Variants in BCKDHB observed in about 807,000 individuals in gnomAD.
BCKDHB encodes 2-oxoisovalerate dehydrogenase subunit beta, mitochondrial.
A neutral mutation model predicts 48.5 loss-of-function variants in BCKDHB; 41 were observed. The ratio of observed to expected loss-of-function variants is 0.85; its 90% CI spans 0.66 to 1.10. The LOEUF is 1.10. Ranked by LOEUF, BCKDHB falls within the 50% of genes least tolerant of loss-of-function variation. The probability of loss-of-function intolerance (pLI) is 0.00; values close to 1 mark genes in which losing one functional copy is unlikely to be tolerated. For missense variants in BCKDHB, 496 were observed against 494.2 expected, an observed-to-expected ratio of 1.00 and a Z score of -0.03; for synonymous variants, 201 against 174.8, an observed-to-expected ratio of 1.15 and a Z score of -1.18.
At chr6:80,200,063 C>CAAAAAAAAA in intron 6 of BCKDHB, among the ~76,000 whole-genome samples, 2 of 32,770 alleles carry the variant, frequency 6.1e-5, no homozygotes, top group Middle Eastern at 0.014. Flanking sequence ...GACCCTGTCT[C>CAAAAAAAAA]AAAAAAAAAA....
chr6:80,222,434 T>C lies in BCKDHB; in HGVS notation c.951+19222T>C, dbSNP rs529173202. Among the ~76,000 whole-genome samples the C allele has an allele frequency of 1.4e-4, 21 of 152,282 alleles. No individual in the cohort carries two copies. In the East Asian group the frequency reaches 2.9e-3, roughly 21 times the overall value. On this transcript the variant is annotated intron_variant, in intron 8 of 9. Transcript: ENST00000320393. ...GAAAGATACCTGCATTTGAAAAATA[T>C]GCCCCTCCTGATTGACAGCTAAAGA... is the stretch of plus-strand genomic sequence containing the variant.
At chr6:80,188,455 G>A (rs892614776) in intron 6 of BCKDHB, among the ~76,000 whole-genome samples, 1 of 152,012 alleles carries the variant, frequency 6.6e-6, no homozygotes, top group Admixed American at 6.5e-5. Flanking sequence ...GGGCAACATG[G>A]TGAGACCCCC....
chr6:80,429,755 C>A, the BCKDHB span, among the ~76,000 whole-genome samples: 1 of 152,174 alleles, frequency 6.6e-6, no homozygotes, highest in African/African-American at 2.4e-5. Flanking sequence ...TGCTTATCAG[C>A]TTAAGGAGAT....
At chr6:80,316,800 A>T (rs1176004332) in intron 9 of BCKDHB, among the ~76,000 whole-genome samples, 1 of 152,196 alleles carries the variant, frequency 6.6e-6, no homozygotes, top group African/African-American at 2.4e-5. Flanking sequence ...TTCTTGTTTC[A>T]TGCATAGACT....
intron 9 of BCKDHB, among the ~76,000 whole-genome samples, chr6:80,293,056 G>T (rs1013118759): frequency 6.6e-6 from 1 of 152,226 alleles, no homozygotes; most frequent in Non-Finnish European, 1.5e-5. Flanking sequence ...GGCATTGAGT[G>T]TCTGTGGCTT....
intron 9 of BCKDHB, among the ~76,000 whole-genome samples, chr6:80,336,578 G>A (rs1157629298): frequency 1.3e-5 from 2 of 150,990 alleles, no homozygotes; most frequent in Non-Finnish European, 3.0e-5. Flanking sequence ...TTTTAAGTCA[G>A]CAGGCATTGA....
intron 8 of BCKDHB, among the ~76,000 whole-genome samples, chr6:80,223,745 A>G (rs1223739388): frequency 6.6e-6 from 1 of 152,148 alleles, no homozygotes; most frequent in African/African-American, 2.4e-5. Context: ...CAGTACTGCA[A>G]ATCCCTGTGC....
At chr6:80,257,134 C>T (rs751675446) in intron 8 of BCKDHB, among the ~76,000 whole-genome samples, 6 of 152,002 alleles carry the variant, frequency 3.9e-5, no homozygotes, top group Non-Finnish European at 8.8e-5. Flanking sequence ...ACAAGTTAGT[C>T]TATTGAGTAG....
chr6:80,166,637 C>A (rs1255935111), intron 3 of BCKDHB, among the ~76,000 whole-genome samples: 1 of 146,062 alleles, frequency 6.8e-6, no homozygotes, highest in Non-Finnish European at 1.5e-5. Context: ...GCCTGGGTGA[C>A]AAGAGCAAAA....
At chr6:80,167,985 G>A (rs977909512) in intron 4 of BCKDHB, among the ~76,000 whole-genome samples, 174 bp downstream of exon 4, 1 of 152,108 alleles carries the variant, frequency 6.6e-6, no homozygotes, top group Non-Finnish European at 1.5e-5. Flanking sequence ...AATAGTTTAA[G>A]CAGATAGATT....
chr6:80,125,244 G>A (rs947614394), intron 1 of BCKDHB, among the ~76,000 whole-genome samples: 7 of 151,892 alleles, frequency 4.6e-5, no homozygotes, highest in Admixed American at 2.6e-4. Flanking sequence ...ATTTTTCTTC[G>A]GCAGCTTCCT....
chr6:80,362,068 A>G, the BCKDHB span, among the ~76,000 whole-genome samples: 1 of 152,256 alleles, frequency 6.6e-6, no homozygotes, highest in Admixed American at 6.5e-5. Context: ...TCAAAATGAG[A>G]TTCTGACCTG....
the BCKDHB span, among the ~76,000 whole-genome samples, chr6:80,351,574 G>A: frequency 6.6e-6 from 1 of 151,562 alleles, no homozygotes; most frequent in Non-Finnish European, 1.5e-5. Context: ...AGGAATAGGT[G>A]ACCAAAATTG....
At position 80,128,872 on chromosome 6, in the gene BCKDHB, C is replaced by CTGTG. The variant is rs60116640; in HGVS notation, c.275-256_275-253dup. Among the ~76,000 whole-genome samples, 306 of 147,522 alleles carry CTGTG rather than the reference C, an allele frequency of 2.1e-3. 2 individuals carry two copies. Among genetic ancestry groups the CTGTG allele is most frequent in the African/African-American group, 6.4e-3 (257 of 40,082 alleles). On this transcript the variant is annotated intron_variant, in intron 2 of 9. Coordinates refer to ENST00000320393, the MANE Select transcript of BCKDHB (RefSeq NM_183050.4). ...GTGAAGACACTTTTTGTTGTCTCAA[C>CTGTG]TGTGTGTGTGTGTGTGTGTGTGTGT...
At chr6:80,454,238 C>T in the BCKDHB span, 1 of 152,336 alleles carries the variant, frequency 6.6e-6, no homozygotes, top group South Asian at 2.1e-4. Flanking sequence ...GTAATTAGCA[C>T]ATGGTCCCTA....
intron 6 of BCKDHB, among the ~76,000 whole-genome samples, chr6:80,183,579 G>C (rs1230195668): frequency 1.3e-5 from 2 of 152,050 alleles, no homozygotes; most frequent in Non-Finnish European, 2.9e-5. Context: ...TTTTACAATT[G>C]ATGACCTATG....
chr6:80,301,337 C>T (rs964352248), intron 9 of BCKDHB, among the ~76,000 whole-genome samples: 3 of 152,014 alleles, frequency 2.0e-5, no homozygotes, highest in South Asian at 2.1e-4. Context: ...AAGTACAATT[C>T]GAGTTTATAA....
At chr6:80,176,778 CCT>C (rs1471548581) in intron 6 of BCKDHB, among the ~76,000 whole-genome samples, 2 of 152,110 alleles carry the variant, frequency 1.3e-5, no homozygotes, top group Non-Finnish European at 2.9e-5. Context: ...GAAACAAAAT[CCT>C]CTCTGGAGTC....
At chr6:80,430,285 T>G in the BCKDHB span, among the ~76,000 whole-genome samples, 2 of 152,232 alleles carry the variant, frequency 1.3e-5, no homozygotes, top group East Asian at 3.8e-4. Context: ...TATTGAGGAT[T>G]TCTGCGTTGA....
Sources: allele counts gnomAD v4.1 joint callset (sites outside exome capture counted in the v4.1 genomes callset), GRCh38; gene constraint gnomAD v4.1.1; transcripts MANE v1.5; gene names NCBI Gene and HGNC (gene_info 2026-07-23, HGNC 2026-07-21).